Variants in COPZ1 observed in about 807,000 individuals in gnomAD.
COPZ1 encodes the protein coat protein complex I subunit zeta 1.
In COPZ1, 4 loss-of-function variants were observed where a neutral mutation model predicts 31.7. The ratio of observed to expected loss-of-function variants is 0.13; its 90% confidence interval spans 0.06 to 0.29. The LOEUF (loss-of-function observed/expected upper bound fraction) is 0.29. COPZ1 is among the 10% of genes least tolerant of loss of function. COPZ1 has a pLI of 1.00. For synonymous variants in COPZ1, 74 were observed against 79.0 expected (o/e 0.94, Z 0.33); for missense variants, 156 against 211.5 (o/e 0.74, Z 1.63).
At chr12:54,327,566 G>A (rs2137081857) in intron 1 of COPZ1, among the ~76,000 whole-genome samples, 1 of 152,266 alleles carries the variant, frequency 6.6e-6, no homozygotes, top group African/African-American at 2.4e-5. Flanking sequence ...CAAAGTGCTA[G>A]GATTATAGGA....
intron 1 of COPZ1, among the ~76,000 whole-genome samples, chr12:54,327,659 G>C (rs1953678711): frequency 6.6e-6 from 1 of 152,106 alleles, no homozygotes; most frequent in South Asian, 2.1e-4. Flanking sequence ...AGCACTGTAA[G>C]AGGCTGAGGC....
At chr12:54,343,675 C>T (rs966329943) in intron 4 of COPZ1, among the ~76,000 whole-genome samples, 3 of 152,178 alleles carry the variant, frequency 2.0e-5, no homozygotes, top group African/African-American at 7.2e-5. Context: ...AATTAGCTAA[C>T]AACCTGGGTC....
intron 1 of COPZ1, among the ~76,000 whole-genome samples, chr12:54,339,487 A>G (rs2137100307): frequency 6.6e-6 from 1 of 152,188 alleles, no homozygotes; most frequent in South Asian, 2.1e-4. Flanking sequence ...AGCTAGGACT[A>G]TAGATGCACG....
chr12:54,346,837 C>T (rs150609088), intron 5 of COPZ1, among the ~76,000 whole-genome samples: 95 of 152,236 alleles, frequency 6.2e-4, no homozygotes, highest in African/African-American at 2.2e-3. Flanking sequence ...GCCTAGGTGA[C>T]ATAGCAAGAC....
At chr12:54,325,568 C>T (rs1592192656) in intron 1 of COPZ1, 1 of 180,244 alleles carries the variant, frequency 5.5e-6, no homozygotes, top group African/African-American at 2.4e-5. Flanking sequence ...GATGTTTTGT[C>T]GTTACAGACT....
intron 1 of COPZ1, among the ~76,000 whole-genome samples, chr12:54,328,599 C>T (rs141712725): frequency 5.9e-5 from 9 of 152,262 alleles, no homozygotes; most frequent in African/African-American, 2.2e-4. Flanking sequence ...CTCTCTGTCA[C>T]ATTTCTCTTC....
rs746806623 is a variant in COPZ1 at position 54,340,550 on chromosome 12, C to T, written c.22C>T (p.Pro8Ser). Residue 8 changes from proline to serine, a missense_variant, in exon 2 of 9, where the codon CCT becomes TCT. Physicochemically the swap from Pro to Ser is moderately conservative, Grantham distance 74 (BLOSUM62 -1). Coordinates refer to ENST00000262061, the MANE Select transcript of COPZ1 (RefSeq NM_016057.3). Reference sequence around the variant, plus strand: ...AGGTATGTTCGTATCTCTTCAGGAACCTTCCCTGTATACTGTCAAAGCCAT... The same window carrying T: ...AGGTATGTTCGTATCTCTTCAGGAATCTTCCCTGTATACTGTCAAAGCCAT... MEALILE[P>S]SLYTVKAILI... 1.9e-6 allele frequency: 3 copies of T among 1,613,946 alleles called. No individual in the cohort carries two copies. The highest frequency in any genetic ancestry group is 1.3e-5 in the African/African-American group (1 of 74,904).
chr12:54,339,980 C>CGTGTGCGTGT (rs1953943853), intron 1 of COPZ1, among the ~76,000 whole-genome samples: 1 of 142,066 alleles, frequency 7.0e-6, no homozygotes, highest in Admixed American at 7.1e-5. Context: ...TGTGCCTGTG[C>CGTGTGCGTGT]GTGTGTGTGT....
In COPZ1 at chr12:54,325,157, G is replaced by A. The variant is rs745924990; in HGVS notation, c.-7G>A. The A allele has an allele frequency of 1.4e-5, 22 of 1,563,024 alleles. No homozygotes were observed. In the South Asian group the frequency reaches 2.0e-4, roughly 14 times the overall value. On this transcript the variant is annotated 5_prime_UTR_variant, in exon 1 of 9. Coordinates refer to ENST00000262061, the MANE Select transcript of COPZ1 (RefSeq NM_016057.3). Reference sequence around the variant, plus strand: ...CGGCTCCACGTCGGCACCAGCTGCGGGGCAAGATGGAGGCGCTGATTTTGG... The same window carrying A: ...CGGCTCCACGTCGGCACCAGCTGCGAGGCAAGATGGAGGCGCTGATTTTGG...
At chr12:54,336,302 T>C (rs1171653333) in intron 1 of COPZ1, among the ~76,000 whole-genome samples, 1 of 152,086 alleles carries the variant, frequency 6.6e-6, no homozygotes, top group South Asian at 2.1e-4. Flanking sequence ...CCCAGCACTT[T>C]GGGAGGCCGA....
intron 3 of COPZ1, 45 bp from the exon 4 acceptor site, chr12:54,343,180 C>A (rs377561130): frequency 1.4e-6 from 2 of 1,478,656 alleles, no homozygotes; most frequent in Non-Finnish European, 1.9e-6. Context: ...TTCCTACTTC[C>A]TTATCTCAAG....
intron 7 of COPZ1, among the ~76,000 whole-genome samples, chr12:54,349,152 C>CT (rs1954108496): frequency 6.6e-6 from 1 of 152,158 alleles, no homozygotes; most frequent in African/African-American, 2.4e-5. Flanking sequence ...CCCGCTTTGT[C>CT]TTCTTAGGCT....
In COPZ1 at chr12:54,349,639, C is replaced by T. The variant is rs749537933; in HGVS notation, c.467C>T (p.Thr156Met). Residue 156 changes from threonine (T) to methionine (M), a missense_variant, in exon 8 of 9, where the codon ACG (threonine) becomes ATG (methionine). By Grantham distance (81) the Thr-to-Met change is moderately conservative. Coordinates refer to ENST00000262061, the MANE Select transcript of COPZ1 (RefSeq NM_016057.3). ...CCATAGGGTGAAGATGTCCCCCTTA[C>T]GGAGCAGACCGTGTCTCAGGTATGA... The part of the protein sequence containing the change: ...VALRGEDVPL[T>M]EQTVSQVLQS... 7 of 1,613,044 alleles carry T rather than the reference C, an allele frequency of 4.3e-6. No individual in the cohort carries two copies. The highest frequency in any genetic ancestry group is 1.1e-5 in the South Asian group (1 of 91,054).
At chr12:54,337,690 C>T (rs59094563) in intron 1 of COPZ1, among the ~76,000 whole-genome samples, 197 of 152,260 alleles carry the variant, frequency 1.3e-3, no homozygotes, top group African/African-American at 4.4e-3. Flanking sequence ...AGAATTGAAG[C>T]GGCATTTAAG....
chr12:54,326,640 GGT>G (rs71070816), intron 1 of COPZ1, among the ~76,000 whole-genome samples: 34,352 of 134,166 alleles, frequency 0.26, 6,039 homozygotes, highest in African/African-American at 0.53. Context: ...GATTTGGAGG[GGT>G]GTGTGTGTGT....
chr12:54,342,347 G>C, intron 3 of COPZ1, 60 bp downstream of exon 3: 2 of 1,215,024 alleles, frequency 1.6e-6, no homozygotes, highest in African/African-American at 3.0e-5. Flanking sequence ...GAAAGGGGGT[G>C]GTAACAGGGC....
chr12:54,340,412 G>T, intron 1 of COPZ1, 135 bp from the exon 2 acceptor site: 1 of 1,403,898 alleles, frequency 7.1e-7, no homozygotes, highest in South Asian at 1.6e-5. Flanking sequence ...ATCAAAATCT[G>T]ACCAAGTTGA....
chr12:54,329,160 T>C (rs1953710073), intron 1 of COPZ1, among the ~76,000 whole-genome samples: 1 of 152,154 alleles, frequency 6.6e-6, no homozygotes, highest in Admixed American at 6.6e-5. Flanking sequence ...TGGCTTCTTC[T>C]CTCTTGCTGT....
intron 1 of COPZ1, among the ~76,000 whole-genome samples, chr12:54,326,640 GGTGTGTGTGT>G (rs71070816): frequency 0.11 from 14,866 of 134,524 alleles, 970 homozygotes; most frequent in East Asian, 0.18. Context: ...GATTTGGAGG[GGTGTGTGTGT>G]GTGTGTGTGT....
Sources: gnomAD v4.1 joint callset for allele counts (sites outside exome capture counted in the v4.1 genomes callset) on GRCh38, gnomAD v4.1.1 for gene constraint, MANE v1.5 for transcripts, NCBI Gene and HGNC (gene_info 2026-07-23, HGNC 2026-07-21) for gene names.